EFCAB11: variants seen among roughly 807,000 people sequenced by gnomAD.
EFCAB11 encodes EF-hand calcium-binding domain-containing protein 11.
EFCAB11 carries 14 observed loss-of-function variants against 23.0 expected under a neutral mutation model. The ratio of observed to expected loss-of-function variants is 0.61; its 90% CI spans 0.40 to 0.95. The LOEUF (loss-of-function observed/expected upper bound fraction) is 0.95, where lower values mean the gene tolerates loss of function less well. Among genes scored for constraint, EFCAB11 ranks in the 40% least tolerant of loss-of-function variants. The pLI is 0.00. For synonymous variants in EFCAB11, 65 were observed against 66.6 expected, an observed-to-expected ratio of 0.98 and a Z score of 0.11; for missense variants, 198 against 195.8, an observed-to-expected ratio of 1.01 and a Z score of -0.07.
chr14:89,933,118 G>C (rs1413859137), intron 3 of EFCAB11, among the ~76,000 whole-genome samples: 1 of 152,174 alleles, frequency 6.6e-6, no homozygotes, highest in East Asian at 1.9e-4. Flanking sequence ...CACAGATAAA[G>C]GTGGGGAGAA....
intron 5 of EFCAB11, among the ~76,000 whole-genome samples, chr14:89,907,077 CCCTACATCAGTTTCCCATGACAGATG>C (rs1344321021): frequency 1.3e-5 from 2 of 152,126 alleles, no homozygotes; most frequent in East Asian, 1.9e-4. Flanking sequence ...ACATCAGTTT[CCCTACATCAGTTTCCCATGACAGATG>C]CCTACATCAG....
chr14:89,836,574 C>T (rs759797981), intron 5 of EFCAB11: 7 of 456,716 alleles, frequency 1.5e-5, no homozygotes, highest in South Asian at 9.3e-5. Context: ...CAGTACTCCC[C>T]TGTGCCATAG....
At chr14:89,886,712 T>C (rs999740158) in intron 5 of EFCAB11, among the ~76,000 whole-genome samples, 2 of 152,128 alleles carry the variant, frequency 1.3e-5, no homozygotes, top group African/African-American at 4.8e-5. Flanking sequence ...TACTTTTCTA[T>C]GTTTAAAATA....
intron 5 of EFCAB11, among the ~76,000 whole-genome samples, chr14:89,920,822 C>T (rs925743407): frequency 6.6e-6 from 1 of 152,002 alleles, no homozygotes; most frequent in African/African-American, 2.4e-5. Context: ...CCCAGCACTC[C>T]GGGAGTCCGA....
At chr14:89,892,872 A>T (rs755725141) in intron 5 of EFCAB11, among the ~76,000 whole-genome samples, 11 of 152,170 alleles carry the variant, frequency 7.2e-5, no homozygotes, top group Admixed American at 1.3e-4. Flanking sequence ...ACTGCACTCC[A>T]GCCTGGGCAA....
chr14:89,885,262 G>A (rs1417832347), intron 5 of EFCAB11, among the ~76,000 whole-genome samples: 1 of 152,138 alleles, frequency 6.6e-6, no homozygotes, highest in Admixed American at 6.5e-5. Context: ...AGCAAGGAAA[G>A]TTAAATAAGA....
intron 5 of EFCAB11, among the ~76,000 whole-genome samples, chr14:89,877,840 T>C (rs1474025055): frequency 6.6e-6 from 1 of 152,124 alleles, no homozygotes; most frequent in African/African-American, 2.4e-5. Flanking sequence ...GATAACTATT[T>C]TGAGAGGCAC....
intron 5 of EFCAB11, among the ~76,000 whole-genome samples, chr14:89,836,006 C>T (rs1247819139): frequency 6.6e-6 from 1 of 152,060 alleles, no homozygotes; most frequent in Non-Finnish European, 1.5e-5. Flanking sequence ...TGGCCCAGGG[C>T]TAAGATTTTG....
upstream of EFCAB11, chr14:89,954,750 C>T: frequency 6.5e-7 from 1 of 1,530,188 alleles, no homozygotes; most frequent in Admixed American, 2.0e-5. Context: ...ACGCCCACCG[C>T]GGCTCAGGAA....
At position 89,810,093 on chromosome 14, in the gene EFCAB11, C is replaced by T. The variant is rs574831936; in HGVS notation, c.411-12769G>A. ...ATCAATATGACTGTGATTAGTGTTC[C>T]TCCTCACCTGCCTATGAACTTGCAG... On this transcript the variant is annotated intron_variant, in intron 5 of 5. Transcript: ENST00000316738. Among the ~76,000 whole-genome samples the T allele has an allele frequency of 1.4e-4, 21 of 152,330 alleles. No homozygotes were observed. The South Asian group carries it at 4.1e-3, about 30-fold the overall frequency.
intron 5 of EFCAB11, among the ~76,000 whole-genome samples, chr14:89,904,418 T>C (rs1948056950): frequency 6.6e-6 from 1 of 152,200 alleles, no homozygotes; most frequent in Non-Finnish European, 1.5e-5. Context: ...CTATTGTGAA[T>C]AGTGCCACAA....
At chr14:89,828,301 A>T (rs1203825016) in intron 5 of EFCAB11, among the ~76,000 whole-genome samples, 1 of 152,238 alleles carries the variant, frequency 6.6e-6, no homozygotes, top group Admixed American at 6.5e-5. Context: ...ATTTTTAATC[A>T]GAATTTTTAA....
chr14:89,939,508 G>C (rs1287013585), intron 3 of EFCAB11, among the ~76,000 whole-genome samples: 2 of 152,178 alleles, frequency 1.3e-5, no homozygotes, highest in East Asian at 3.9e-4. Flanking sequence ...AGCAGGAGGC[G>C]GGGCACACAG....
chr14:89,953,595 A>G (rs1020488111), intron 2 of EFCAB11, among the ~76,000 whole-genome samples: 6 of 152,324 alleles, frequency 3.9e-5, no homozygotes, highest in Middle Eastern at 3.4e-3. Flanking sequence ...GTCATGTCCT[A>G]TGTAAATTTC....
intron 5 of EFCAB11, among the ~76,000 whole-genome samples, chr14:89,863,089 G>A (rs1370084964): frequency 6.6e-6 from 1 of 151,900 alleles, no homozygotes; most frequent in African/African-American, 2.4e-5. Flanking sequence ...GCCACCTAGG[G>A]GAGTTCACAG....
In EFCAB11 at chr14:89,954,698, C is replaced by A; in HGVS notation, c.-38G>T. On this transcript the variant is annotated 5_prime_UTR_variant, in exon 1 of 6. Transcript: ENST00000316738. ...AACCGAGCCCCAGCAACCCAACCAGCTACCACCGCTTTCCCAGCCTGGCTG... is the reference window on the plus strand; with the variant it reads ...AACCGAGCCCCAGCAACCCAACCAGATACCACCGCTTTCCCAGCCTGGCTG... The A allele has an allele frequency of 6.3e-7, 1 of 1,597,030 alleles. No homozygotes were observed. The highest frequency in any genetic ancestry group is 1.1e-5 in the South Asian group (1 of 89,614).
chr14:89,868,113 T>C (rs1230702881), intron 5 of EFCAB11, among the ~76,000 whole-genome samples: 1 of 152,220 alleles, frequency 6.6e-6, no homozygotes, highest in Non-Finnish European at 1.5e-5. Flanking sequence ...TTGGGGGCTG[T>C]ACTTCCTTTG....
At chr14:89,864,282 T>C (rs968599668) in intron 5 of EFCAB11, among the ~76,000 whole-genome samples, 3 of 152,232 alleles carry the variant, frequency 2.0e-5, no homozygotes, top group Non-Finnish European at 2.9e-5. Flanking sequence ...ATGAGTGTCA[T>C]GGGCAAGGCT....
chr14:89,897,831 C>T (rs919372225), intron 5 of EFCAB11, among the ~76,000 whole-genome samples: 37 of 152,070 alleles, frequency 2.4e-4, no homozygotes, highest in African/African-American at 8.9e-4. Context: ...TTTACCATAA[C>T]ATTTAACTTA....
Sources: gnomAD v4.1 joint callset for allele counts (sites outside exome capture counted in the v4.1 genomes callset) on GRCh38, gnomAD v4.1.1 for gene constraint, MANE v1.5 for transcripts, NCBI Gene and HGNC (gene_info 2026-07-23, HGNC 2026-07-21) for gene names.